The following MYH1 variants were observed in gnomAD, a reference collection of about 807,000 sequenced individuals.
MYH1 encodes the protein myosin-1.
MYH1 carries 214 observed loss-of-function variants against 225.6 expected under a neutral mutation model. That is an observed-to-expected ratio of 0.95 (90% CI 0.85 to 1.06). The LOEUF (loss-of-function observed/expected upper bound fraction) is 1.06. Among genes scored for constraint, MYH1 ranks in the 50% least tolerant of loss-of-function variants. The pLI, the probability that MYH1 is intolerant of heterozygous loss-of-function variation, is 0.00. For missense variants in MYH1, 2,098 were observed against 2,344.2 expected, an observed-to-expected ratio of 0.89 and a Z score of 2.17; for synonymous variants, 774 against 842.3, an observed-to-expected ratio of 0.92 and a Z score of 1.40.
In MYH1 at chr17:10,502,874, G is replaced by T. The variant is rs563867561; in HGVS notation, c.2975C>A (p.Thr992Asn). The change falls in exon 24 of 40, where the codon ACC becomes AAC. Residue 992 changes from threonine to asparagine, a missense_variant. Thr to Asn is a moderately conservative substitution (Grantham distance 65). Coordinates refer to ENST00000226207, the MANE Select transcript of MYH1 (RefSeq NM_005963.4). ...CTTCTCCTTGGTCAGCTTAGCAATG[G>T]TTTCATCCAGACCCGCCATCTCTTC... ...LTEEMAGLDE[T>N]IAKLTKEKKA... 1 of 1,613,932 alleles carries T rather than the reference G, an allele frequency of 6.2e-7. No homozygotes were observed. Among genetic ancestry groups the T allele is most frequent in the South Asian group, 1.1e-5 (1 of 91,054 alleles).
At chr17:10,500,604 T>G (rs768018666) in intron 28 of MYH1, 22 bp downstream of exon 28, 1 of 1,612,388 alleles carries the variant, frequency 6.2e-7, no homozygotes, top group Non-Finnish European at 8.5e-7. Context: ...TCATTCAAGG[T>G]CAGTACTGGT....
intron 6 of MYH1, 55 bp from the exon 7 acceptor site, chr17:10,514,179 C>G: frequency 6.3e-7 from 1 of 1,584,670 alleles, no homozygotes; most frequent in Non-Finnish European, 8.7e-7. Flanking sequence ...GAAACTACAA[C>G]TACCTCATGG....
intron 33 of MYH1, among the ~76,000 whole-genome samples, 171 bp from the exon 34 acceptor site, chr17:10,496,720 A>AAC (rs1491344377): frequency 1.9e-4 from 29 of 152,166 alleles, no homozygotes; most frequent in African/African-American, 6.8e-4. Flanking sequence ...GCTATTCTCT[A>AAC]ACACACACAC....
In MYH1 at chr17:10,501,805, A is replaced by G; in HGVS notation, c.3218T>C (p.Ile1073Thr). Residue 1073 changes from isoleucine (I) to threonine (T), a missense_variant, in exon 25 of 40, where the codon ATA becomes ACA. Ile to Thr is a moderately conservative substitution (Grantham distance 89). Transcript: ENST00000226207. ...LKLAQESTMD[I>T]ENDKQQLDEK... ...ATCAAGTTGTTGTTTGTCATTTTCT[A>G]TATCCATTGTGGATTCTTGAGCCAA... 1.2e-6 allele frequency: 2 copies of G among 1,613,768 alleles called. No individual in the cohort carries two copies. Among genetic ancestry groups the G allele is most frequent in the African/African-American group, 1.3e-5 (1 of 75,026 alleles).
rs754537415 is a variant in MYH1 at position 10,498,717 on chromosome 17, C to T, written c.4090G>A (p.Ala1364Thr). ...EQEAKAELQRAMSKANSEVAQ... is the reference protein window; with the variant it reads ...EQEAKAELQRTMSKANSEVAQ... ...ACCTCACTGTTGGCCTTGGACATTG[C>T]TCTCTGTAGCTCGGCCTTGGCTTCC... The change falls in exon 30 of 40, where the codon GCA (alanine) becomes ACA (threonine). Residue 1364 changes from alanine (A) to threonine (T), a missense_variant. Transcript: ENST00000226207. 6.2e-7 allele frequency: 1 copy of T among 1,614,098 alleles called. No homozygotes were observed.
rs570179923 is a variant in MYH1, at chr17:10,508,054, G to A, written c.1898-98C>T. 38 of 999,116 alleles carry A rather than the reference G, an allele frequency of 3.8e-5. No individual in the cohort carries two copies. In the East Asian group the frequency reaches 7.5e-4, roughly 20 times the overall value. The allele number at this position is 999,116 out of a possible 1,614,324, so 61.9% of individuals were successfully genotyped here. On this transcript the variant is annotated intron_variant, in intron 16 of 39. Transcript: ENST00000226207. ...TTTTTTTTGACGAAGTTTCACTCTT[G>A]GTTGCCCAGGCTGGAGTGCAGTGGC... is the stretch of plus-strand genomic sequence containing the variant.
chr17:10,498,474 ACTC>A (rs1359073908), intron 30 of MYH1, 149 bp downstream of exon 30: 167 of 1,060,316 alleles, frequency 1.6e-4, no homozygotes, highest in Non-Finnish European at 2.2e-4. Flanking sequence ...TGCATCGAGA[ACTC>A]CTCTCAGAAT....
At chr17:10,508,762 A>G in intron 15 of MYH1, 90 bp from the exon 16 acceptor site, 1 of 1,497,958 alleles carries the variant, frequency 6.7e-7, no homozygotes, top group Non-Finnish European at 9.0e-7. Context: ...ATCTGAGTAA[A>G]TTCATCCTTT....
chr17:10,496,658 G>A (rs2072998407), intron 33 of MYH1, 109 bp from the exon 34 acceptor site: 1 of 1,510,590 alleles, frequency 6.6e-7, no homozygotes. Context: ...AGATTTCTAA[G>A]TAGTAGTAAG....
chr17:10,509,395 T>C, intron 15 of MYH1, 90 bp downstream of exon 15: 1 of 1,579,506 alleles, frequency 6.3e-7, no homozygotes, highest in African/African-American at 1.4e-5. Flanking sequence ...CAAGTAGAAA[T>C]ATTTAGCCAT....
At chr17:10,492,663 T>C (rs2072946936) in intron 39 of MYH1, 95 bp from the exon 40 acceptor site, 2 of 1,334,634 alleles carry the variant, frequency 1.5e-6, no homozygotes, top group African/African-American at 3.0e-5. Context: ...TTAAAAATGA[T>C]TCACTCTAGC....
At chr17:10,518,431 A>G (rs1395674741) in intron 1 of MYH1, 89 bp downstream of exon 1, 1 of 152,220 alleles carries the variant, frequency 6.6e-6, no homozygotes, top group Non-Finnish European at 1.5e-5. Flanking sequence ...TGCCAGGGAC[A>G]GTGGGAGCCA....
At position 10,501,773 on chromosome 17, in the gene MYH1, G is replaced by A. The variant is rs370765676; in HGVS notation, c.3250C>T (p.Leu1084Phe). 16 of 1,613,568 alleles carry A rather than the reference G, an allele frequency of 9.9e-6. No individual in the cohort carries two copies. The African/African-American group carries it at 2.1e-4, about 22-fold the overall frequency. ...TGACCTAAAACTGCTTACTTTTTAA[G>A]CTTTTCATCAAGTTGTTGTTTGTCA... ...ENDKQQLDEK[L>F]KKKEFEMSGL... The change falls in exon 25 of 40, where the codon CTT (leucine) becomes TTT (phenylalanine). Residue 1084 changes from leucine to phenylalanine, a missense_variant. By Grantham distance (22) the Leu-to-Phe change is conservative. Transcript: ENST00000226207.
intron 33 of MYH1, 84 bp from the exon 34 acceptor site, chr17:10,496,633 A>G: frequency 6.3e-7 from 1 of 1,580,546 alleles, no homozygotes; most frequent in East Asian, 2.2e-5. Flanking sequence ...CATTCATGAA[A>G]CCTTATTTAT....
intron 14 of MYH1, among the ~76,000 whole-genome samples, chr17:10,511,280 G>A (rs780698801): frequency 6.6e-5 from 10 of 151,632 alleles, no homozygotes; most frequent in Non-Finnish European, 1.2e-4. Flanking sequence ...GTTTATTTAC[G>A]ATGCCATTTC....
chr17:10,495,896 A>G (rs2072987117), intron 35 of MYH1, 54 bp downstream of exon 35: 1 of 1,603,136 alleles, frequency 6.2e-7, no homozygotes, highest in African/African-American at 1.3e-5. Flanking sequence ...CGATTTCAGC[A>G]AGAATGTCAT....
Position 10,497,924 on chromosome 17 carries a change from A to G in MYH1, c.4182-7T>C, listed in dbSNP as rs775171379. 1.3e-6 allele frequency: 2 copies of G among 1,590,728 alleles called. No homozygotes were observed. The highest frequency in any genetic ancestry group is 1.7e-6 in the Non-Finnish European group (2 of 1,173,072). On this transcript the variant is annotated splice_region_variant and splice_polypyrimidine_tract_variant and intron_variant, in intron 30 of 39. Coordinates refer to ENST00000226207, the MANE Select transcript of MYH1 (RefSeq NM_005963.4). The stretch of plus-strand genomic sequence containing the variant: ...ACGCTGAGCCAGCTTCTTCCTATGA[A>G]ATATGGGCAATAAAAGTGAATGGCT...
At chr17:10,496,183 T>A in intron 34 of MYH1, 30 bp from the exon 35 acceptor site, 1 of 1,614,170 alleles carries the variant, frequency 6.2e-7, no homozygotes, top group Non-Finnish European at 8.5e-7. Context: ...TGAGACACCA[T>A]GTATTCAGGG....
At chr17:10,510,669 A>C (rs557427868) in intron 14 of MYH1, among the ~76,000 whole-genome samples, 2 of 152,230 alleles carry the variant, frequency 1.3e-5, no homozygotes, top group African/African-American at 4.8e-5. Context: ...TCTGGCAAGC[A>C]TATGCGAAGT....
Sources: allele counts gnomAD v4.1 joint callset (sites outside exome capture counted in the v4.1 genomes callset), GRCh38; gene constraint gnomAD v4.1.1; transcripts MANE v1.5; gene names NCBI Gene and HGNC (gene_info 2026-07-23, HGNC 2026-07-21).